Variants in COL2A1 observed in about 807,000 individuals in gnomAD.
COL2A1 encodes the protein collagen alpha-1(II) chain.
Under a neutral mutation model 204.5 loss-of-function variants are expected in COL2A1, and 28 were observed. That is an observed-to-expected ratio of 0.14 (90% CI 0.10 to 0.19). The LOEUF (loss-of-function observed/expected upper bound fraction) is 0.19. COL2A1 is among the 10% of genes least tolerant of loss of function. The pLI, the probability that COL2A1 is intolerant of heterozygous loss-of-function variation, is 1.00. For missense variants in COL2A1, 1,388 were observed against 2,027.5 expected (o/e 0.68, Z 6.06); for synonymous variants, 708 against 718.7 (o/e 0.99, Z 0.24).
At chr12:47,979,783 C>G (rs1332435029) in intron 40 of COL2A1, among the ~76,000 whole-genome samples, 1 of 152,202 alleles carries the variant, frequency 6.6e-6, no homozygotes, top group African/African-American at 2.4e-5. Context: ...GTCAGCACTT[C>G]AGGGAGCTGA....
At chr12:47,997,791 A>C (rs1940032013) in intron 6 of COL2A1, 80 bp downstream of exon 6, 1 of 1,609,176 alleles carries the variant, frequency 6.2e-7, no homozygotes, top group African/African-American at 1.3e-5. Context: ...TTAAGAGGTG[A>C]CCAGGCCCTT....
intron 22 of COL2A1, among the ~76,000 whole-genome samples, 153 bp from the exon 23 acceptor site, chr12:47,986,596 G>C (rs556305611): frequency 6.6e-5 from 10 of 152,334 alleles, no homozygotes; most frequent in Admixed American, 2.0e-4. Flanking sequence ...GCCATGGCAG[G>C]GCAGAGGGAA....
Position 47,994,053 on chromosome 12 carries a change from A to G in COL2A1, c.817-6T>C, listed in dbSNP as rs1555168542. ...CCTGGGAAACCACGAGCACCCTGCA[A>G]TCCAAAGTGGAGGTGTTCAGAGCAC... On this transcript the variant is annotated splice_region_variant and splice_polypyrimidine_tract_variant and intron_variant, in intron 12 of 53. Transcript: ENST00000380518. The G allele has an allele frequency of 6.2e-7, 1 of 1,613,954 alleles. No homozygotes were observed. Among genetic ancestry groups the G allele is most frequent in the Non-Finnish European group, 8.5e-7 (1 of 1,179,990 alleles).
chr12:47,989,664 T>A (rs1939607429), intron 17 of COL2A1, 97 bp downstream of exon 17: 1 of 1,012,298 alleles, frequency 9.9e-7, no homozygotes. Context: ...AGAGTGCTGC[T>A]GTGGTTGCAC....
Position 48,004,437 on chromosome 12 carries a change from A to T in COL2A1, c.-116T>A. 1 of 619,840 alleles carries T rather than the reference A, an allele frequency of 1.6e-6. No homozygotes were observed. Among genetic ancestry groups the T allele is most frequent in the South Asian group, 2.0e-5 (1 of 50,936 alleles). The allele number at this position is 619,840 out of a possible 1,614,324, so 38.4% of individuals were successfully genotyped here. On this transcript the variant is annotated 5_prime_UTR_variant, in exon 1 of 54. Transcript: ENST00000380518. ...TCATGCAGGAGGCCCTTGGAGCAGG[A>T]GGGGGAAGCGGGAGACCCGGCAGCC...
Position 48,004,390 on chromosome 12 carries a change from G to A in COL2A1, c.-69C>T. 1.0e-6 allele frequency: 1 copy of A among 956,654 alleles called. No individual in the cohort carries two copies. The highest frequency in any genetic ancestry group is 1.6e-6 in the Non-Finnish European group (1 of 618,254). The allele number at this position is 956,654 out of a possible 1,614,324, so 59.3% of individuals were successfully genotyped here. A position where few individuals can be genotyped will look rare whatever the true frequency, so the allele number is the denominator to read the frequency against. ...AGCGAAACGGCAGGAGCACGGCGCGGGTCCGGGTCTCTACCGCGCCCTCAT... is the reference window on the plus strand; with the variant it reads ...AGCGAAACGGCAGGAGCACGGCGCGAGTCCGGGTCTCTACCGCGCCCTCAT... On this transcript the variant is annotated 5_prime_UTR_variant, in exon 1 of 54. Transcript: ENST00000380518.
In COL2A1 at chr12:47,976,097, A is replaced by G; in HGVS notation, c.3490-27T>C. The G allele has an allele frequency of 6.4e-7, 1 of 1,550,404 alleles. No homozygotes were observed. The highest frequency in any genetic ancestry group is 1.7e-4 in the Middle Eastern group (1 of 5,954). On this transcript the variant is annotated intron_variant, in intron 49 of 53. Transcript: ENST00000380518. This position sits in a 1 kb window ranked among gnomAD's most constrained non-coding sequence, Gnocchi z 4.3. ...TGCAAGAGAGAGAGGTCGTGAGGAA[A>G]GAGTGGTCACCACAGGGAAGGCTGG...
chr12:47,980,542 A>C lies in COL2A1; in HGVS notation c.2625+12T>G. 1 of 1,591,798 alleles carries C rather than the reference A, an allele frequency of 6.3e-7. No homozygotes were observed. The highest frequency in any genetic ancestry group is 8.6e-7 in the Non-Finnish European group (1 of 1,167,372). ...CTTGAGGGAACAATTCTTGGAGTGC[A>C]GCGTTACCCACCTGAGGCCCAGGTG... On this transcript the variant is annotated intron_variant, in intron 39 of 53. Transcript: ENST00000380518. This position sits in a 1 kb window ranked among gnomAD's most constrained non-coding sequence, Gnocchi z 4.5.
intron 1 of COL2A1, among the ~76,000 whole-genome samples, chr12:48,003,194 A>ATGG (rs1940315852): frequency 6.6e-6 from 1 of 152,176 alleles, no homozygotes; most frequent in Non-Finnish European, 1.5e-5. Flanking sequence ...GAGGGGTAGA[A>ATGG]AGGTGCAGTC....
chr12:47,980,773 T>C lies in COL2A1; in HGVS notation c.2518-112A>G. The stretch of plus-strand genomic sequence containing the variant: ...CTGCGTGTGTGTCCTGGTCTGGACA[T>C]GATGGTTCTATTAGTATGGAGGCGG... On this transcript the variant is annotated intron_variant, in intron 38 of 53. Transcript: ENST00000380518. The surrounding 1 kb of genome is among the most constrained non-coding windows in gnomAD (Gnocchi z 4.5). The C allele has an allele frequency of 7.2e-7, 1 of 1,388,346 alleles. No individual in the cohort carries two copies. Among genetic ancestry groups the C allele is most frequent in the Middle Eastern group, 1.8e-4 (1 of 5,696 alleles). 86.0% of individuals were successfully genotyped at this position (1,388,346 alleles called of 1,614,324 possible).
At chr12:48,000,520 T>C (rs1017648058) in intron 1 of COL2A1, among the ~76,000 whole-genome samples, 5 of 152,030 alleles carry the variant, frequency 3.3e-5, no homozygotes, top group Admixed American at 6.6e-5. Context: ...TCTGGGACTA[T>C]AAAAAGAAAG....
intron 37 of COL2A1, 37 bp from the exon 38 acceptor site, chr12:47,981,005 C>T (rs923630699): frequency 1.9e-5 from 29 of 1,542,178 alleles, no homozygotes; most frequent in Non-Finnish European, 2.5e-5. Flanking sequence ...GGTCAGGCCC[C>T]GCTGCCTGAC....
In COL2A1 at chr12:47,974,090, G is replaced by A. The variant is rs121912886; in HGVS notation, c.4316C>T (p.Thr1439Met). 4.4e-5 allele frequency: 71 copies of A among 1,614,060 alleles called. No homozygotes were observed. The highest frequency in any genetic ancestry group is 1.0e-4 in the Admixed American group (6 of 60,004). Residue 1439 changes from threonine to methionine, a missense_variant and splice_region_variant, in exon 53 of 54, where the codon ACG becomes ATG. Physicochemically the swap from Thr to Met is moderately conservative, Grantham distance 81. Coordinates refer to ENST00000380518, the MANE Select transcript of COL2A1 (RefSeq NM_001844.5). The stretch of plus-strand genomic sequence containing the variant: ...CTTCTCTCTGGCAGCCCCACTCACC[G>A]TGCAGCCATCCTTCAGGGCAGTGTA... ...FTYTALKDGCTKHTGKWGKTV... is the reference protein window; with the variant it reads ...FTYTALKDGCMKHTGKWGKTV...
At chr12:47,998,628 A>G (rs895808699) in intron 2 of COL2A1, 197 bp from the exon 3 acceptor site, 1 of 621,184 alleles carries the variant, frequency 1.6e-6, no homozygotes, top group East Asian at 2.8e-5. Context: ...CTGAGGTCCC[A>G]TGAGGAATGG....
At position 47,973,567 on chromosome 12, in the gene COL2A1, AAGGAGGAGGCTCTGTTC is replaced by A. The variant is rs751836686; in HGVS notation, c.4318-31_4318-15del. On this transcript the variant is annotated splice_polypyrimidine_tract_variant and intron_variant, in intron 53 of 53. Transcript: ENST00000380518. ...ACCGGTATGTTTCTAGGGGAGAAAAAAGGAGGAGGCTCTGTTCAGTAGATGCCTTGCTACCCAGTTCC... is the reference window on the plus strand; with the variant it reads ...ACCGGTATGTTTCTAGGGGAGAAAAAAGTAGATGCCTTGCTACCCAGTTCC... The A allele has an allele frequency of 1.7e-5, 28 of 1,613,862 alleles. No homozygotes were observed. Among genetic ancestry groups the A allele is most frequent in the Non-Finnish European group, 2.4e-5 (28 of 1,179,982 alleles).
rs755940738 is a variant in COL2A1 at position 47,978,808 on chromosome 12, C to A, written c.2734-50G>T. On this transcript the variant is annotated intron_variant, in intron 41 of 53. Transcript: ENST00000380518. The surrounding 1 kb of genome is among the most constrained non-coding windows in gnomAD (Gnocchi z 5.5). Reference sequence around the variant, plus strand: ...GAGGACTCATCTCACCCTTCCTCATCCAGGCTGCCAAAGTCACTGTGGCCT... The same window carrying A: ...GAGGACTCATCTCACCCTTCCTCATACAGGCTGCCAAAGTCACTGTGGCCT... 1.9e-6 allele frequency: 3 copies of A among 1,597,852 alleles called. No homozygotes were observed. Among genetic ancestry groups the A allele is most frequent in the Non-Finnish European group, 2.6e-6 (3 of 1,169,992 alleles).
chr12:47,994,604 C>T (rs1165901276), intron 11 of COL2A1, 127 bp from the exon 12 acceptor site: 1 of 901,348 alleles, frequency 1.1e-6, no homozygotes, highest in South Asian at 1.4e-5. Flanking sequence ...TCTCCCTCAC[C>T]TCCTTCAGAC....
intron 11 of COL2A1, 116 bp downstream of exon 11, chr12:47,995,139 C>A: frequency 2.3e-6 from 2 of 880,228 alleles, no homozygotes; most frequent in Non-Finnish European, 3.9e-6. Context: ...ACTGCCCAGT[C>A]TTGCTCCTCA....
intron 51 of COL2A1, 65 bp downstream of exon 51, chr12:47,975,252 T>C: frequency 6.3e-7 from 1 of 1,596,828 alleles, no homozygotes; most frequent in East Asian, 2.2e-5. Context: ...TCTCCTCCCT[T>C]GCTGCTAGGC....
Sources: allele counts gnomAD v4.1 joint callset (sites outside exome capture counted in the v4.1 genomes callset), GRCh38; gene constraint gnomAD v4.1.1; non-coding constraint Gnocchi (gnomAD v3.1); transcripts MANE v1.5; gene names NCBI Gene and HGNC (gene_info 2026-07-23, HGNC 2026-07-21).